The following ARMC9 variants were observed in gnomAD, a reference collection of about 807,000 sequenced individuals.
ARMC9 encodes the protein armadillo repeat containing 9.
ARMC9 carries 94 observed loss-of-function variants against 107.0 expected under a neutral mutation model. That is an observed-to-expected ratio of 0.88 (90% CI 0.74 to 1.04). The LOEUF (loss-of-function observed/expected upper bound fraction) is 1.04. Among genes scored for constraint, ARMC9 ranks in the 50% least tolerant of loss-of-function variants. ARMC9 has a pLI of 0.00. For synonymous variants in ARMC9, 380 were observed against 396.9 expected, an observed-to-expected ratio of 0.96 and a Z score of 0.51; for missense variants, 942 against 1,030.1, an observed-to-expected ratio of 0.91 and a Z score of 1.17.
intron 13 of ARMC9, among the ~76,000 whole-genome samples, chr2:231,272,183 T>TG (rs397747742): frequency 6.8e-6 from 1 of 147,054 alleles, no homozygotes; most frequent in Non-Finnish European, 1.5e-5. Flanking sequence ...TGTGTGTGTG[T>TG]TTGGTTTTTT....
intron 21 of ARMC9, among the ~76,000 whole-genome samples, chr2:231,349,422 G>A (rs1398852344): frequency 2.0e-5 from 3 of 152,078 alleles, no homozygotes; most frequent in East Asian, 1.9e-4. Flanking sequence ...ACTAGAGACC[G>A]GGAAGGGTGG....
chr2:231,257,745 C>T (rs1163157235), intron 10 of ARMC9, among the ~76,000 whole-genome samples: 3 of 152,090 alleles, frequency 2.0e-5, no homozygotes, highest in Admixed American at 1.3e-4. Context: ...TTAGTTAATA[C>T]GTATACAACA....
At chr2:231,302,285 ACTT>A (rs1220112280) in intron 19 of ARMC9, among the ~76,000 whole-genome samples, 1 of 151,892 alleles carries the variant, frequency 6.6e-6, no homozygotes, top group Non-Finnish European at 1.5e-5. Flanking sequence ...TTAAATGAGA[ACTT>A]AAATATGATA....
intron 22 of ARMC9, among the ~76,000 whole-genome samples, chr2:231,357,122 T>C: frequency 6.6e-6 from 1 of 152,158 alleles, no homozygotes. Flanking sequence ...GCTGCAATGT[T>C]GATGTTATTG....
chr2:231,334,844 C>T (rs1238957177), intron 20 of ARMC9, among the ~76,000 whole-genome samples: 6 of 152,030 alleles, frequency 3.9e-5, no homozygotes, highest in East Asian at 1.9e-4. Flanking sequence ...TCTTGTGGTG[C>T]GTGAAAAGCC....
At chr2:231,370,956 G>A in intron 24 of ARMC9, 1 of 435,522 alleles carries the variant, frequency 2.3e-6, no homozygotes, top group Non-Finnish European at 4.6e-6. Flanking sequence ...TGGGCGCTCT[G>A]GTCAGCTGGG....
chr2:231,348,190 G>GT (rs1233162969), intron 21 of ARMC9, among the ~76,000 whole-genome samples: 2 of 152,174 alleles, frequency 1.3e-5, no homozygotes, highest in Non-Finnish European at 2.9e-5. Flanking sequence ...GATAATCTGG[G>GT]TGGACCCAAT....
At chr2:231,283,303 T>G (rs1471271258) in intron 17 of ARMC9, among the ~76,000 whole-genome samples, 1 of 152,160 alleles carries the variant, frequency 6.6e-6, no homozygotes, top group Non-Finnish European at 1.5e-5. Flanking sequence ...GAAGACATGG[T>G]GAAAAATACA....
chr2:231,286,411 G>A (rs551867994), intron 17 of ARMC9, among the ~76,000 whole-genome samples: 21 of 152,212 alleles, frequency 1.4e-4, no homozygotes, highest in African/African-American at 3.1e-4. Context: ...CACCGCGCCC[G>A]GTGCCTGCTG....
At chr2:231,296,912 A>G (rs2041411844) in intron 19 of ARMC9, among the ~76,000 whole-genome samples, 1 of 152,206 alleles carries the variant, frequency 6.6e-6, no homozygotes, top group Non-Finnish European at 1.5e-5. Context: ...CCCTCTGGTC[A>G]TCCTTGATTT....
At position 231,246,198 on chromosome 2, in the gene ARMC9, A is replaced by G. The variant is rs142693777; in HGVS notation, c.879+6157A>G. Among the ~76,000 whole-genome samples the G allele has an allele frequency of 8.6e-3, 1,305 of 152,178 alleles. 8 individuals are homozygous for G. Among genetic ancestry groups the G allele is most frequent in the Non-Finnish European group, 0.014 (942 of 68,014 alleles). On this transcript the variant is annotated intron_variant, in intron 9 of 24. Coordinates refer to ENST00000611582, the MANE Select transcript of ARMC9 (RefSeq NM_001352754.2). Reference sequence around the variant, plus strand: ...CCCCATTGGAAATAAAAGTCAAAACACTTTATTTATTTGGCTTTTATTTTA... The same window carrying G: ...CCCCATTGGAAATAAAAGTCAAAACGCTTTATTTATTTGGCTTTTATTTTA...
At chr2:231,210,035 T>C (rs1286826224) in intron 3 of ARMC9, among the ~76,000 whole-genome samples, 2 of 152,180 alleles carry the variant, frequency 1.3e-5, no homozygotes, top group Non-Finnish European at 2.9e-5. Flanking sequence ...CCAGAAATAA[T>C]TTTAGGCTTG....
chr2:231,232,848 A>ATTAT (rs1357834477), intron 7 of ARMC9, among the ~76,000 whole-genome samples: 1 of 151,776 alleles, frequency 6.6e-6, no homozygotes, highest in African/African-American at 2.4e-5. Flanking sequence ...TGGGTTTTTA[A>ATTAT]TTATTTATTT....
chr2:231,299,247 C>G (rs2041572872), intron 19 of ARMC9, among the ~76,000 whole-genome samples: 1 of 151,960 alleles, frequency 6.6e-6, no homozygotes, highest in Non-Finnish European at 1.5e-5. Flanking sequence ...GATATAATGT[C>G]AAATAGAAAA....
intron 19 of ARMC9, among the ~76,000 whole-genome samples, chr2:231,326,247 T>C (rs2043309983): frequency 1.3e-5 from 2 of 152,182 alleles, no homozygotes; most frequent in Admixed American, 6.5e-5. Flanking sequence ...TGCTGTGGAT[T>C]TGTCACTTCT....
At chr2:231,207,414 C>A (rs2032178104) in intron 2 of ARMC9, among the ~76,000 whole-genome samples, 1 of 152,200 alleles carries the variant, frequency 6.6e-6, no homozygotes, top group South Asian at 2.1e-4. Flanking sequence ...CCTACCTCAG[C>A]CTCCCAAAGT....
chr2:231,272,108 A>G (rs1464651586), intron 13 of ARMC9, among the ~76,000 whole-genome samples: 2 of 151,948 alleles, frequency 1.3e-5, no homozygotes, highest in Admixed American at 6.6e-5. Flanking sequence ...AATAAAACCA[A>G]CGTTTAACGT....
intron 14 of ARMC9, among the ~76,000 whole-genome samples, chr2:231,273,711 G>A (rs956855865): frequency 7.2e-5 from 11 of 152,182 alleles, no homozygotes; most frequent in East Asian, 3.9e-4. Context: ...CACCGCACCC[G>A]GCCCCGTAGG....
chr2:231,341,508 C>T (rs2044498063), intron 20 of ARMC9, among the ~76,000 whole-genome samples: 1 of 152,076 alleles, frequency 6.6e-6, no homozygotes, highest in South Asian at 2.1e-4. Flanking sequence ...ATTGCCGTGC[C>T]GACAAAATCA....
Sources: allele counts gnomAD v4.1 joint callset (sites outside exome capture counted in the v4.1 genomes callset), GRCh38; gene constraint gnomAD v4.1.1; transcripts MANE v1.5; gene names NCBI Gene and HGNC (gene_info 2026-07-23, HGNC 2026-07-21).